CWC27: variants seen among roughly 807,000 people sequenced by gnomAD.
CWC27 encodes spliceosome-associated protein CWC27 homolog.
CWC27 carries 47 observed loss-of-function variants against 63.6 expected under a neutral mutation model. That is an observed-to-expected ratio of 0.74 (90% CI 0.58 to 0.94). The LOEUF (loss-of-function observed/expected upper bound fraction) is 0.94. Ranked by LOEUF, CWC27 falls within the 40% of genes least tolerant of loss-of-function variation. CWC27 has a pLI of 0.00. For missense variants in CWC27, 495 were observed against 554.3 expected, an observed-to-expected ratio of 0.89 and a Z score of 1.07; for synonymous variants, 175 against 179.8, an observed-to-expected ratio of 0.97 and a Z score of 0.22.
At chr5:64,939,873 G>A (rs958956652) in intron 11 of CWC27, among the ~76,000 whole-genome samples, 3 of 152,184 alleles carry the variant, frequency 2.0e-5, no homozygotes, top group Non-Finnish European at 4.4e-5. Flanking sequence ...AGCTGCACTG[G>A]GCTCCGCCCA....
At chr5:64,968,960 C>T (rs989521343) in intron 11 of CWC27, among the ~76,000 whole-genome samples, 16 of 152,144 alleles carry the variant, frequency 1.1e-4, no homozygotes, top group African/African-American at 3.9e-4. Flanking sequence ...AACATAGCTA[C>T]AGAATTTCCA....
intron 11 of CWC27, among the ~76,000 whole-genome samples, chr5:64,951,838 C>T (rs1398346183): frequency 6.6e-6 from 1 of 151,738 alleles, no homozygotes; most frequent in Non-Finnish European, 1.5e-5. Context: ...CTTTTTATGC[C>T]CAAATGACAT....
At chr5:64,913,215 T>C (rs2112381137) in intron 11 of CWC27, among the ~76,000 whole-genome samples, 1 of 152,224 alleles carries the variant, frequency 6.6e-6, no homozygotes, top group East Asian at 1.9e-4. Context: ...ATGATTTTAA[T>C]AAAATGTTCT....
At chr5:65,001,210 A>G (rs750223343) in intron 13 of CWC27, among the ~76,000 whole-genome samples, 2 of 151,986 alleles carry the variant, frequency 1.3e-5, no homozygotes, top group South Asian at 2.1e-4. Flanking sequence ...TCCAGCTCTA[A>G]AAGTGTTTTG....
At chr5:64,869,372 A>G (rs905922068) in intron 10 of CWC27, among the ~76,000 whole-genome samples, 1 of 152,072 alleles carries the variant, frequency 6.6e-6, no homozygotes, top group Non-Finnish European at 1.5e-5. Context: ...ATATGTTTTT[A>G]TTAGGTGCAA....
chr5:64,976,281 G>A (rs1749227301), intron 12 of CWC27, among the ~76,000 whole-genome samples: 1 of 151,934 alleles, frequency 6.6e-6, no homozygotes, highest in African/African-American at 2.4e-5. Flanking sequence ...ACTCAGTCAG[G>A]GGGAATGATC....
chr5:64,942,718 C>T (rs555452674), intron 11 of CWC27, among the ~76,000 whole-genome samples: 3 of 152,250 alleles, frequency 2.0e-5, no homozygotes, highest in Non-Finnish European at 4.4e-5. Flanking sequence ...TTTCCACAGT[C>T]AACCAAATAT....
At chr5:64,892,326 G>A (rs1398685606) in intron 11 of CWC27, among the ~76,000 whole-genome samples, 2 of 151,692 alleles carry the variant, frequency 1.3e-5, no homozygotes, top group East Asian at 1.9e-4. Flanking sequence ...AATTCATACA[G>A]GTAAATATTA....
In CWC27 at chr5:65,003,261, C is replaced by T. The variant is rs370670540; in HGVS notation, c.1257-14898C>T. ...CAGTCTGGCTTTGCCTTTTAAGCAG[C>T]GAATTTAATGTGTTTACATTTGAGA... On this transcript the variant is annotated intron_variant, in intron 13 of 13. Coordinates refer to ENST00000381070, the MANE Select transcript of CWC27 (RefSeq NM_005869.4). Among the ~76,000 whole-genome samples, 6 of 152,120 alleles carry T rather than the reference C, an allele frequency of 3.9e-5. No individual in the cohort carries two copies. The South Asian group carries it at 1.0e-3, about 26-fold the overall frequency.
chr5:64,798,998 T>C (rs544054832), intron 7 of CWC27, among the ~76,000 whole-genome samples: 27 of 152,300 alleles, frequency 1.8e-4, no homozygotes, highest in Admixed American at 1.6e-3. Context: ...ATCTGTAGAA[T>C]AGGAGATTGC....
At chr5:64,933,086 A>T (rs1174866208) in intron 11 of CWC27, among the ~76,000 whole-genome samples, 3 of 152,170 alleles carry the variant, frequency 2.0e-5, no homozygotes, top group Non-Finnish European at 1.5e-5. Flanking sequence ...CCTGTATTCT[A>T]TCAGTGGAAC....
At chr5:65,011,731 C>T (rs928964286) in intron 13 of CWC27, among the ~76,000 whole-genome samples, 13 of 152,156 alleles carry the variant, frequency 8.5e-5, no homozygotes, top group African/African-American at 3.1e-4. Context: ...TATTATGGAC[C>T]ACAAGGTAGT....
chr5:64,979,712 G>C (rs1044044864), intron 13 of CWC27, among the ~76,000 whole-genome samples: 2 of 152,212 alleles, frequency 1.3e-5, no homozygotes, highest in African/African-American at 4.8e-5. Flanking sequence ...GTCAGCCATT[G>C]TGCTGTACTA....
At chr5:64,861,058 C>T (rs1423782931) in intron 10 of CWC27, among the ~76,000 whole-genome samples, 2 of 152,214 alleles carry the variant, frequency 1.3e-5, no homozygotes, top group East Asian at 1.9e-4. Context: ...TAGAATACTC[C>T]GTGGATGTTT....
chr5:64,799,354 G>GAGGC (rs1003109537), intron 7 of CWC27, among the ~76,000 whole-genome samples: 4 of 152,094 alleles, frequency 2.6e-5, no homozygotes, highest in African/African-American at 9.7e-5. Context: ...TTGGGAGGCT[G>GAGGC]AGGCGGGCAG....
rs578220573 is a variant in CWC27, at chr5:64,832,067, G to A, written c.938+27681G>A. ...AGTAGTAATTTCTTATAAGTTGCAT[G>A]CAATGTAAAATCTAAAACCAAATAA... On this transcript the variant is annotated intron_variant, in intron 10 of 13. Coordinates refer to ENST00000381070, the MANE Select transcript of CWC27 (RefSeq NM_005869.4). 9.5e-4 allele frequency among the ~76,000 whole-genome samples: 145 copies of A among 151,918 alleles called. 2 individuals are homozygous for A. Among genetic ancestry groups the A allele is most frequent in the African/African-American group, 3.3e-3 (137 of 41,504 alleles).
At chr5:65,010,067 A>C (rs1749918736) in intron 13 of CWC27, among the ~76,000 whole-genome samples, 1 of 152,182 alleles carries the variant, frequency 6.6e-6, no homozygotes, top group Non-Finnish European at 1.5e-5. Context: ...ACTCAAATCA[A>C]ACTCAGGGCT....
chr5:64,782,650 G>C (rs1001262789), intron 3 of CWC27, among the ~76,000 whole-genome samples: 1 of 152,050 alleles, frequency 6.6e-6, no homozygotes, highest in African/African-American at 2.4e-5. Flanking sequence ...CCAATATCAT[G>C]TTCTTTGAAT....
chr5:64,834,437 G>C (rs1745606162), intron 10 of CWC27, among the ~76,000 whole-genome samples: 1 of 151,364 alleles, frequency 6.6e-6, no homozygotes, highest in Non-Finnish European at 1.5e-5. Context: ...CAAGAGATCT[G>C]GAATAACCTC....
Sources: gnomAD v4.1 joint callset for allele counts (sites outside exome capture counted in the v4.1 genomes callset) on GRCh38, gnomAD v4.1.1 for gene constraint, MANE v1.5 for transcripts, NCBI Gene and HGNC (gene_info 2026-07-23, HGNC 2026-07-21) for gene names.